The following CCDC7 variants were observed in gnomAD, a reference collection of about 807,000 sequenced individuals.
The protein encoded by CCDC7 is coiled-coil domain-containing protein 7.
In CCDC7, 183 loss-of-function variants were observed where a neutral mutation model predicts 196.9. That is an observed-to-expected ratio of 0.93 (90% confidence interval 0.82 to 1.05). The LOEUF (loss-of-function observed/expected upper bound fraction) is 1.05. CCDC7 is among the 50% of genes least tolerant of loss of function. The pLI is 0.00. For synonymous variants in CCDC7, 525 were observed against 484.6 expected (o/e 1.08, Z -1.10); for missense variants, 1,540 against 1,482.2 (o/e 1.04, Z -0.64).
intron 21 of CCDC7, among the ~76,000 whole-genome samples, chr10:32,668,872 T>C (rs2073425256): frequency 6.6e-6 from 1 of 152,126 alleles, no homozygotes; most frequent in African/African-American, 2.4e-5. Flanking sequence ...CCCATCCAAT[T>C]TGAATGCCTT....
chr10:32,729,411 C>A, exon 28 of CCDC7: 6 of 1,468,930 alleles, frequency 4.1e-6, no homozygotes, highest in Non-Finnish European at 5.6e-6. Context: ...TATCAAGAAG[C>A]GAATCTCAAA....
chr10:32,703,425 T>C (rs2079113676), intron 24 of CCDC7, among the ~76,000 whole-genome samples: 1 of 152,030 alleles, frequency 6.6e-6, no homozygotes, highest in Non-Finnish European at 1.5e-5. Context: ...TAACGCGACA[T>C]TTCTTTCTGG....
chr10:32,678,327 T>C (rs567932985), intron 21 of CCDC7, among the ~76,000 whole-genome samples: 1 of 152,280 alleles, frequency 6.6e-6, no homozygotes, highest in South Asian at 2.1e-4. Context: ...TCATGATCCT[T>C]GTATTTTCAT....
At chr10:32,680,944 G>T (rs1349951343) in intron 21 of CCDC7, among the ~76,000 whole-genome samples, 1 of 152,150 alleles carries the variant, frequency 6.6e-6, no homozygotes, top group Admixed American at 6.6e-5. Flanking sequence ...GAAGCTGAGT[G>T]ATAACACTTG....
intron 20 of CCDC7, among the ~76,000 whole-genome samples, chr10:32,653,796 A>G (rs1330931946): frequency 6.6e-6 from 1 of 152,196 alleles, no homozygotes. Context: ...ACTATGATAC[A>G]TGTATGTGTG....
intron 28 of CCDC7, among the ~76,000 whole-genome samples, chr10:32,738,869 A>C (rs914187375): frequency 6.6e-6 from 1 of 152,088 alleles, no homozygotes; most frequent in Admixed American, 6.5e-5. Flanking sequence ...AAGAATGTTT[A>C]AAAATATTTT....
intron 40 of CCDC7, among the ~76,000 whole-genome samples, chr10:32,852,808 T>C (rs895816722): frequency 2.0e-5 from 3 of 152,188 alleles, no homozygotes; most frequent in Non-Finnish European, 2.9e-5. Context: ...TTGGGCTTGC[T>C]TCTGGAAAAG....
intron 20 of CCDC7, among the ~76,000 whole-genome samples, chr10:32,648,744 T>A (rs2068200122): frequency 6.6e-6 from 1 of 152,230 alleles, no homozygotes; most frequent in South Asian, 2.1e-4. Flanking sequence ...TGGTTTTGAT[T>A]TGTATTTCTC....
intron 23 of CCDC7, among the ~76,000 whole-genome samples, chr10:32,692,693 C>G (rs778701825): frequency 6.6e-6 from 1 of 152,124 alleles, no homozygotes; most frequent in East Asian, 1.9e-4. Flanking sequence ...AGATAACATG[C>G]CAAACTCAAA....
chr10:32,617,286 A>C (rs981399527), intron 18 of CCDC7, among the ~76,000 whole-genome samples: 1 of 150,886 alleles, frequency 6.6e-6, no homozygotes, highest in South Asian at 2.1e-4. Context: ...TTTCTATTTC[A>C]TTTGGTTCTT....
At chr10:32,722,238 T>C (rs957688133) in intron 25 of CCDC7, among the ~76,000 whole-genome samples, 6 of 152,124 alleles carry the variant, frequency 3.9e-5, no homozygotes, top group Non-Finnish European at 7.4e-5. Context: ...GGCTTGGGAA[T>C]GAATGCAAGC....
intron 28 of CCDC7, among the ~76,000 whole-genome samples, chr10:32,775,395 A>C (rs1181037437): frequency 2.0e-5 from 3 of 152,210 alleles, no homozygotes; most frequent in African/African-American, 7.2e-5. Flanking sequence ...ATATAAAAAT[A>C]GAAAATAACC....
At chr10:32,658,837 G>A (rs1231654579) in intron 20 of CCDC7, among the ~76,000 whole-genome samples, 1 of 152,092 alleles carries the variant, frequency 6.6e-6, no homozygotes, top group Non-Finnish European at 1.5e-5. Flanking sequence ...AATTTTTGGT[G>A]TATAATTGTT....
At chr10:32,677,905 A>T (rs892821697) in intron 21 of CCDC7, among the ~76,000 whole-genome samples, 2 of 151,424 alleles carry the variant, frequency 1.3e-5, no homozygotes, top group Non-Finnish European at 2.9e-5. Context: ...CATTATTTTT[A>T]TTTTTGTTTC....
At chr10:32,851,992 T>C in intron 40 of CCDC7, 60 bp downstream of exon 41, 3 of 1,487,004 alleles carry the variant, frequency 2.0e-6, no homozygotes, top group Non-Finnish European at 2.7e-6. Flanking sequence ...TAACTAAATG[T>C]AAATAACCAA....
chr10:32,843,023 C>T (rs952365326), intron 33 of CCDC7, among the ~76,000 whole-genome samples: 4 of 151,776 alleles, frequency 2.6e-5, no homozygotes, highest in African/African-American at 9.7e-5. Context: ...CAAAATCTCA[C>T]AAATCACCAC....
chr10:32,772,287 T>A (rs946915900), intron 28 of CCDC7, among the ~76,000 whole-genome samples: 3 of 152,156 alleles, frequency 2.0e-5, no homozygotes, highest in African/African-American at 7.2e-5. Flanking sequence ...CCCCACATAG[T>A]TCCCACTCAT....
At chr10:32,659,855 A>C (rs561168592) in intron 20 of CCDC7, among the ~76,000 whole-genome samples, 1 of 152,370 alleles carries the variant, frequency 6.6e-6, no homozygotes, top group South Asian at 2.1e-4. Context: ...AAGGAAAAGG[A>C]ACACTTATAC....
At chr10:32,511,554 A>G in intron 9 of CCDC7, 3 of 1,607,740 alleles carry the variant, frequency 1.9e-6, no homozygotes, top group Admixed American at 1.7e-5. Flanking sequence ...ATTGAATTTA[A>G]TGTGTATGCA....
Sources: allele counts gnomAD v4.1 joint callset (sites outside exome capture counted in the v4.1 genomes callset), GRCh38; gene constraint gnomAD v4.1.1; transcripts MANE v1.5; gene names NCBI Gene and HGNC (gene_info 2026-07-23, HGNC 2026-07-21).